Variants in SAMD5 observed in about 807,000 individuals in gnomAD.
SAMD5 encodes the protein sterile alpha motif domain-containing protein 5.
SAMD5 carries 13 observed loss-of-function variants against 11.3 expected under a neutral mutation model. That is an observed-to-expected ratio of 1.15 (90% CI 0.75 to 1.83). SAMD5 has a LOEUF of 1.83. Ranked by LOEUF, SAMD5 falls within the 40% of genes most tolerant of loss-of-function variation. SAMD5 has a pLI of 0.00. For missense variants in SAMD5, 255 were observed against 239.1 expected (o/e 1.07, Z -0.44); for synonymous variants, 129 against 111.3 (o/e 1.16, Z -1.00).
At chr6:147,882,704 G>A in the SAMD5 span, among the ~76,000 whole-genome samples, 2 of 152,206 alleles carry the variant, frequency 1.3e-5, no homozygotes, top group Admixed American at 1.3e-4. Flanking sequence ...CTAATGTCAG[G>A]TAAGCCATGC....
At chr6:147,854,269 A>C in the SAMD5 span, among the ~76,000 whole-genome samples, 1 of 152,202 alleles carries the variant, frequency 6.6e-6, no homozygotes, top group African/African-American at 2.4e-5. Flanking sequence ...CAGGTAAGAA[A>C]GGAAGTGACC....
At chr6:147,828,350 T>C in the SAMD5 span, among the ~76,000 whole-genome samples, 4 of 152,236 alleles carry the variant, frequency 2.6e-5, no homozygotes, top group Non-Finnish European at 4.4e-5. Flanking sequence ...ATGGTTAATA[T>C]TGAATGTCAA....
chr6:147,536,582 A>G (rs1788512946), intron 1 of SAMD5, among the ~76,000 whole-genome samples: 1 of 152,122 alleles, frequency 6.6e-6, no homozygotes, highest in South Asian at 2.1e-4. Context: ...TGAGAGCTGC[A>G]CATAGAGCCT....
At chr6:147,826,105 G>A in the SAMD5 span, among the ~76,000 whole-genome samples, 1 of 152,232 alleles carries the variant, frequency 6.6e-6, no homozygotes, top group Non-Finnish European at 1.5e-5. Flanking sequence ...TTTTGTTCAA[G>A]GAACATAGAA....
chr6:147,650,892 A>G (rs1406367695), intron 1 of SAMD5, among the ~76,000 whole-genome samples: 1 of 152,058 alleles, frequency 6.6e-6, no homozygotes, highest in Non-Finnish European at 1.5e-5. Context: ...AGGGAGAGAG[A>G]TTTTGGGAGT....
At chr6:147,598,239 C>T (rs1789562939) in intron 1 of SAMD5, among the ~76,000 whole-genome samples, 1 of 152,134 alleles carries the variant, frequency 6.6e-6, no homozygotes, top group African/African-American at 2.4e-5. Context: ...ATCTTCCCAC[C>T]AGAGCCCCCC....
At chr6:147,736,905 G>T (rs1262573726) in intron 1 of SAMD5, among the ~76,000 whole-genome samples, 1 of 151,832 alleles carries the variant, frequency 6.6e-6, no homozygotes. Flanking sequence ...TGTGTTTGGA[G>T]GTATTTATAT....
At position 147,569,310 on chromosome 6, in the gene SAMD5, C is replaced by T. The variant is rs1300383375; in HGVS notation, c.*4854C>T. 1.3e-5 allele frequency: 6 copies of T among 472,402 alleles called. No homozygotes were observed. The East Asian group carries it at 7.6e-4, about 60-fold the overall frequency. The allele number at this position is 472,402 out of a possible 1,614,324, so 29.3% of individuals were successfully genotyped here. A position where few individuals can be genotyped will look rare whatever the true frequency, so the allele number is the denominator to read the frequency against. On this transcript the variant is annotated 3_prime_UTR_variant, in exon 2 of 2. Coordinates refer to ENST00000367474, the MANE Select transcript of SAMD5 (RefSeq NM_001030060.3). ...AGATAATTTTTTAAAATTGTTTAAA[C>T]TCCTGGAAATTAAGTGTTATTTTTT... is the stretch of plus-strand genomic sequence containing the variant.
At chr6:147,602,284 G>T (rs1283390220) in intron 1 of SAMD5, among the ~76,000 whole-genome samples, 2 of 152,162 alleles carry the variant, frequency 1.3e-5, no homozygotes, top group African/African-American at 4.8e-5. Context: ...ACTGGAAGGG[G>T]TAACAGTGCT....
chr6:147,682,969 T>C (rs1213163146), intron 1 of SAMD5, among the ~76,000 whole-genome samples: 1 of 152,236 alleles, frequency 6.6e-6, no homozygotes, highest in Non-Finnish European at 1.5e-5. Flanking sequence ...TGAAATTCTA[T>C]GGTAATCAAA....
chr6:147,534,579 G>A (rs1218687149), intron 1 of SAMD5, among the ~76,000 whole-genome samples: 3 of 152,122 alleles, frequency 2.0e-5, no homozygotes, highest in Admixed American at 6.5e-5. Flanking sequence ...AGGATAACTT[G>A]GTGGGAGGGG....
the SAMD5 span, among the ~76,000 whole-genome samples, chr6:147,787,159 A>G: frequency 2.4e-3 from 371 of 152,308 alleles, 1 homozygote; most frequent in African/African-American, 8.5e-3. Flanking sequence ...GTGGGCTCCA[A>G]TCATAAAGAG....
chr6:147,734,711 TAAAAAAAA>T lies in SAMD5; in HGVS notation c.163-2582_163-2575del, dbSNP rs61482319. ...CTGGGCGGCAGAGCGAGACTCCATC[TAAAAAAAA>T]AAAAAAAAAAAAAAAAAAAAAAAGA... On this transcript the variant is annotated intron_variant, in intron 1 of 1. Transcript: ENST00000566741. Among the ~76,000 whole-genome samples the T allele has an allele frequency of 9.7e-3, 252 of 26,102 alleles. 1 individual carries two copies. Among genetic ancestry groups the T allele is most frequent in the African/African-American group, 0.02 (211 of 10,716 alleles). 17.1% of individuals were successfully genotyped at this position (26,102 alleles called of 152,430 possible). A position where few individuals can be genotyped will look rare whatever the true frequency, so the allele number is the denominator to read the frequency against.
the SAMD5 span, among the ~76,000 whole-genome samples, chr6:147,857,062 A>G: frequency 3.3e-5 from 5 of 151,754 alleles, no homozygotes; most frequent in Admixed American, 1.3e-4. Flanking sequence ...TCCTGCCATC[A>G]ATATTTAAGG....
At chr6:147,788,988 G>A in the SAMD5 span, among the ~76,000 whole-genome samples, 1 of 151,944 alleles carries the variant, frequency 6.6e-6, no homozygotes, top group South Asian at 2.1e-4. Context: ...GGAGGCTGAT[G>A]CAGGAGAATG....
chr6:147,561,447 C>A (rs769491669), intron 1 of SAMD5, among the ~76,000 whole-genome samples: 8 of 152,196 alleles, frequency 5.3e-5, no homozygotes, highest in Non-Finnish European at 8.8e-5. Flanking sequence ...GCCTCGGACT[C>A]CCAAAGTGCT....
chr6:147,763,102 G>A, the SAMD5 span, among the ~76,000 whole-genome samples: 1 of 151,980 alleles, frequency 6.6e-6, no homozygotes, highest in African/African-American at 2.4e-5. Context: ...TGAAAATAAA[G>A]ACAGATACAG....
the SAMD5 span, among the ~76,000 whole-genome samples, chr6:147,882,667 C>T: frequency 5.3e-4 from 81 of 152,294 alleles, no homozygotes; most frequent in Non-Finnish European, 7.9e-4. Context: ...TGTGTTGATA[C>T]GGCATTTGTT....
intron 1 of SAMD5, among the ~76,000 whole-genome samples, chr6:147,656,639 A>C (rs1790571849): frequency 6.6e-6 from 1 of 152,234 alleles, no homozygotes; most frequent in Non-Finnish European, 1.5e-5. Context: ...TCATTGTAAG[A>C]GAAATGAAAT....
Sources: allele counts gnomAD v4.1 joint callset (sites outside exome capture counted in the v4.1 genomes callset), GRCh38; gene constraint gnomAD v4.1.1; transcripts MANE v1.5; gene names NCBI Gene and HGNC (gene_info 2026-07-23, HGNC 2026-07-21).